LPIN2: variants seen among roughly 807,000 people sequenced by gnomAD.
The protein encoded by LPIN2 is lipin 2, also known as phosphatidate phosphatase LPIN2.
Under a neutral mutation model 111.4 loss-of-function variants are expected in LPIN2, and 55 were observed. The observed-to-expected ratio is 0.49, with a 90% CI of 0.40 to 0.62. The LOEUF (loss-of-function observed/expected upper bound fraction) is 0.62. LPIN2 is among the 20% of genes least tolerant of loss of function. LPIN2 has a pLI of 0.00. For synonymous variants in LPIN2, 425 were observed against 414.0 expected (o/e 1.03, Z -0.32); for missense variants, 992 against 1,112.1 (o/e 0.89, Z 1.54).
intron 1 of LPIN2, chr18:2,991,228 G>T: frequency 5.0e-6 from 1 of 199,880 alleles, no homozygotes. Context: ...GAATCATTTT[G>T]GAGTGGAGAA....
intron 1 of LPIN2, among the ~76,000 whole-genome samples, chr18:3,002,764 A>G (rs2078453014): frequency 6.6e-6 from 1 of 152,206 alleles, no homozygotes; most frequent in African/African-American, 2.4e-5. Flanking sequence ...CTCACATTAA[A>G]AATATAAGCC....
intron 1 of LPIN2, among the ~76,000 whole-genome samples, chr18:2,977,800 A>G (rs1264717490): frequency 6.6e-6 from 1 of 152,230 alleles, no homozygotes; most frequent in Non-Finnish European, 1.5e-5. Flanking sequence ...ATAATTAATG[A>G]AGAAAAAATG....
chr18:2,926,603 C>G, intron 13 of LPIN2, 120 bp downstream of exon 13: 2 of 786,592 alleles, frequency 2.5e-6, no homozygotes, highest in Non-Finnish European at 4.3e-6. Flanking sequence ...TATATCACAG[C>G]ATGTAGTATC....
chr18:2,923,884 A>T (rs1157157183), intron 15 of LPIN2, 23 bp from the exon 16 acceptor site: 17 of 1,595,848 alleles, frequency 1.1e-5, no homozygotes, highest in Non-Finnish European at 1.5e-5. Flanking sequence ...TAGAAACAGG[A>T]AAAGCTATCA....
At position 2,940,614 on chromosome 18, in the gene LPIN2, G is replaced by A. The variant is rs1013107286; in HGVS notation, c.689C>T (p.Pro230Leu). The change falls in exon 5 of 20, where the codon CCT (proline) becomes CTT (leucine). Residue 230 changes from proline (P) to leucine (L), a missense_variant. Coordinates refer to ENST00000677752, the MANE Select transcript of LPIN2 (RefSeq NM_001375808.2). ...HYPLSDGDWS[P>L]LETTYPQTAC... is the part of the protein sequence containing the mutation. ...TTTCAAAGATACTTACGTCTCTAAA[G>A]GGGACCAATCTCCATCAGATAAGGG... is the stretch of plus-strand genomic sequence containing the variant. The A allele has an allele frequency of 2.5e-6, 4 of 1,605,336 alleles. No individual in the cohort carries two copies. The highest frequency in any genetic ancestry group is 3.4e-6 in the Non-Finnish European group (4 of 1,172,488).
chr18:2,969,710 T>G (rs555984442), intron 1 of LPIN2, among the ~76,000 whole-genome samples: 16 of 152,236 alleles, frequency 1.1e-4, no homozygotes, highest in Non-Finnish European at 2.2e-4. Context: ...TAAAAACAAA[T>G]ACACGCTCAT....
At chr18:2,935,001 G>C (rs1381449442) in intron 7 of LPIN2, among the ~76,000 whole-genome samples, 1 of 152,144 alleles carries the variant, frequency 6.6e-6, no homozygotes, top group Non-Finnish European at 1.5e-5. Flanking sequence ...GATACAATAT[G>C]AGTACCCAAT....
chr18:2,956,615 C>G (rs950340552), intron 2 of LPIN2, among the ~76,000 whole-genome samples: 4 of 152,202 alleles, frequency 2.6e-5, no homozygotes, highest in Non-Finnish European at 4.4e-5. Context: ...CATACACTAA[C>G]AGTCAAACTG....
At chr18:2,944,231 TAAAAA>T (rs569764451) in intron 4 of LPIN2, among the ~76,000 whole-genome samples, 3 of 139,246 alleles carry the variant, frequency 2.2e-5, no homozygotes, top group East Asian at 2.2e-4. Flanking sequence ...TTCATGACTT[TAAAAA>T]AAAAAACTCC....
rs115846717 is a variant in LPIN2, at chr18:2,953,940, G to A, written c.288+564C>T. Among the ~76,000 whole-genome samples, 709 of 152,204 alleles carry A rather than the reference G, an allele frequency of 4.7e-3. 10 individuals carry two copies. The highest frequency in any genetic ancestry group is 0.016 in the African/African-American group (677 of 41,522). On this transcript the variant is annotated intron_variant, in intron 3 of 19. Transcript: ENST00000677752. ...ATACAGAATGTGTGTGCTGGGGAGG[G>A]GGGATTTTAACAAATCATGCTCGTT... is the stretch of plus-strand genomic sequence containing the variant.
At chr18:2,962,278 A>T (rs2077725256) in intron 1 of LPIN2, among the ~76,000 whole-genome samples, 1 of 152,190 alleles carries the variant, frequency 6.6e-6, no homozygotes, top group East Asian at 1.9e-4. Context: ...AACTAATGTT[A>T]CCAAGGCCCT....
chr18:3,001,279 T>G (rs1254637991), intron 1 of LPIN2, among the ~76,000 whole-genome samples: 2 of 152,178 alleles, frequency 1.3e-5, no homozygotes, highest in Non-Finnish European at 2.9e-5. Context: ...AGAAAATTAC[T>G]GGGATTCAGG....
At chr18:2,920,542 G>T in intron 19 of LPIN2, 105 bp from the exon 20 acceptor site, 1 of 1,279,604 alleles carries the variant, frequency 7.8e-7, no homozygotes. Context: ...CAGGTGGGCA[G>T]GTTCAGAGGC....
chr18:2,945,032 A>G (rs1050037429), intron 4 of LPIN2, among the ~76,000 whole-genome samples: 6 of 152,204 alleles, frequency 3.9e-5, no homozygotes, highest in African/African-American at 1.4e-4. Flanking sequence ...CTCAGAATTA[A>G]TCCTCCTTAA....
chr18:2,930,668 G>A (rs2077200699), intron 9 of LPIN2, among the ~76,000 whole-genome samples: 1 of 152,224 alleles, frequency 6.6e-6, no homozygotes, highest in Non-Finnish European at 1.5e-5. Flanking sequence ...AAATGCTGAT[G>A]AATTGAGGAC....
rs749448358 is a variant in LPIN2, at chr18:2,922,199, C to A, written c.2175G>T (p.Glu725Asp). ...AGCAGTACAGAAACTTGTAGCCATT[C>A]CTGAAAGAAAACACACCCTGTTAGC... ...GIAKLYHSIN[E>D]NGYKFLYCSA... The change falls in exon 17 of 20, where the codon GAG (glutamate) becomes GAT (aspartate). Residue 725 changes from glutamate to aspartate, a missense_variant and splice_region_variant. Coordinates refer to ENST00000677752, the MANE Select transcript of LPIN2 (RefSeq NM_001375808.2). 2.5e-6 allele frequency: 4 copies of A among 1,613,972 alleles called. No individual in the cohort carries two copies. Among genetic ancestry groups the A allele is most frequent in the Non-Finnish European group, 3.4e-6 (4 of 1,179,940 alleles).
intron 8 of LPIN2, among the ~76,000 whole-genome samples, chr18:2,932,260 T>C (rs1028452214): frequency 2.0e-5 from 3 of 152,198 alleles, no homozygotes; most frequent in South Asian, 2.1e-4. Context: ...ATTTGAGATA[T>C]TGAGAATTTT....
intron 1 of LPIN2, among the ~76,000 whole-genome samples, chr18:2,974,460 C>G (rs935916597): frequency 1.3e-5 from 2 of 152,150 alleles, no homozygotes; most frequent in Non-Finnish European, 2.9e-5. Context: ...TGTAAAATAA[C>G]GTAACTGTTT....
intron 4 of LPIN2, among the ~76,000 whole-genome samples, chr18:2,943,147 T>A (rs750878763): frequency 6.7e-6 from 1 of 149,584 alleles, no homozygotes; most frequent in Non-Finnish European, 1.5e-5. Flanking sequence ...TGCACTGAAC[T>A]GCACACTTAC....
Sources: allele counts gnomAD v4.1 joint callset (sites outside exome capture counted in the v4.1 genomes callset), GRCh38; gene constraint gnomAD v4.1.1; transcripts MANE v1.5; gene names NCBI Gene and HGNC (gene_info 2026-07-23, HGNC 2026-07-21).